NAV2: variants seen among roughly 807,000 people sequenced by gnomAD.
NAV2 encodes neuron navigator 2.
A neutral mutation model predicts 223.2 loss-of-function variants in NAV2; 54 were observed. That is an observed-to-expected ratio of 0.24 (90% CI 0.19 to 0.30). NAV2 has a LOEUF of 0.30. Among genes scored for constraint, NAV2 ranks in the 10% least tolerant of loss-of-function variants. NAV2 has a pLI of 1.00. For missense variants in NAV2, 2,806 were observed against 3,147.5 expected, an observed-to-expected ratio of 0.89 and a Z score of 2.60; for synonymous variants, 1,279 against 1,239.3, an observed-to-expected ratio of 1.03 and a Z score of -0.67.
At position 20,045,369 on chromosome 11, in the gene NAV2, A is replaced by G. The variant is rs2057329495; in HGVS notation, c.3601A>G (p.Ser1201Gly). The G allele has an allele frequency of 1.2e-6, 2 of 1,614,210 alleles. No individual in the cohort carries two copies. Among genetic ancestry groups the G allele is most frequent in the East Asian group, 2.2e-5 (1 of 44,882 alleles). Residue 1201 changes from serine to glycine, a missense_variant, in exon 14 of 38, where the codon AGC becomes GGC. Physicochemically the swap from Ser to Gly is moderately conservative, Grantham distance 56. Coordinates refer to ENST00000349880, the MANE Select transcript of NAV2 (RefSeq NM_145117.5). ...RSLPRPSKSNSRNGAGNRSST... is the reference protein window; with the variant it reads ...RSLPRPSKSNGRNGAGNRSST... ...TTTGCCGAGGCCCAGTAAGTCCAAC[A>G]GCCGGAACGGGGCTGGGAACAGGTC...
At chr11:19,403,586 T>C (rs2133332740) in intron 1 of NAV2, among the ~76,000 whole-genome samples, 1 of 152,316 alleles carries the variant, frequency 6.6e-6, no homozygotes, top group East Asian at 1.9e-4. Context: ...GGGATGCCAT[T>C]TGTTCATTTA....
At chr11:19,905,611 A>G (rs1314823102) in intron 6 of NAV2, among the ~76,000 whole-genome samples, 1 of 152,182 alleles carries the variant, frequency 6.6e-6, no homozygotes, top group Non-Finnish European at 1.5e-5. Context: ...TCTGACCTTC[A>G]GTAATGAACC....
chr11:19,881,391 C>G (rs985248907), intron 5 of NAV2, among the ~76,000 whole-genome samples: 4 of 152,124 alleles, frequency 2.6e-5, no homozygotes, highest in African/African-American at 7.2e-5. Context: ...GGAGTCACTC[C>G]CAGTCAGAGC....
chr11:19,884,139 C>T (rs1392578170), intron 5 of NAV2, among the ~76,000 whole-genome samples: 1 of 152,126 alleles, frequency 6.6e-6, no homozygotes, highest in Non-Finnish European at 1.5e-5. Flanking sequence ...TAAACTGAGA[C>T]CTAGAAAGAA....
chr11:19,876,860 A>T (rs1460123573), intron 4 of NAV2, among the ~76,000 whole-genome samples: 1 of 151,076 alleles, frequency 6.6e-6, no homozygotes, highest in Non-Finnish European at 1.5e-5. Flanking sequence ...AATAAAGAAT[A>T]CTCAAATGCC....
intron 1 of NAV2, among the ~76,000 whole-genome samples, chr11:19,554,235 T>C (rs1198288638): frequency 2.6e-5 from 4 of 152,218 alleles, no homozygotes; most frequent in Non-Finnish European, 4.4e-5. Context: ...TTTAGAATTT[T>C]AATTTGAGAA....
chr11:19,410,599 C>G (rs1850104043), intron 1 of NAV2, among the ~76,000 whole-genome samples: 1 of 152,118 alleles, frequency 6.6e-6, no homozygotes, highest in African/African-American at 2.4e-5. Flanking sequence ...TCTGATGACT[C>G]CTGTTATAGG....
chr11:19,384,276 G>A (rs900430522), intron 1 of NAV2, among the ~76,000 whole-genome samples: 1 of 152,132 alleles, frequency 6.6e-6, no homozygotes, highest in Admixed American at 6.5e-5. Context: ...TTCTTCTTTG[G>A]TTATATGTAG....
At chr11:19,956,394 ACGCTCTCT>A (rs1269515021) in intron 10 of NAV2, among the ~76,000 whole-genome samples, 1 of 147,710 alleles carries the variant, frequency 6.8e-6, no homozygotes, top group Non-Finnish European at 1.5e-5. Context: ...ACACACACAC[ACGCTCTCT>A]CTCTCTCTCT....
intron 1 of NAV2, among the ~76,000 whole-genome samples, chr11:19,473,003 A>T (rs923867396): frequency 1.3e-5 from 2 of 152,204 alleles, no homozygotes; most frequent in Non-Finnish European, 2.9e-5. Context: ...CAGAGGATCC[A>T]TGGGAACTTC....
At chr11:19,524,555 T>C (rs2043783923) in intron 1 of NAV2, among the ~76,000 whole-genome samples, 1 of 152,192 alleles carries the variant, frequency 6.6e-6, no homozygotes. Flanking sequence ...GATGTTTTCA[T>C]TGATCTAGTG....
chr11:19,438,769 G>A (rs1851297955), intron 1 of NAV2, among the ~76,000 whole-genome samples: 1 of 152,162 alleles, frequency 6.6e-6, no homozygotes, highest in African/African-American at 2.4e-5. Flanking sequence ...ATGAGGTCTG[G>A]AAAGATCCTG....
chr11:19,391,184 T>C (rs1423722895), intron 1 of NAV2, among the ~76,000 whole-genome samples: 1 of 152,124 alleles, frequency 6.6e-6, no homozygotes, highest in Non-Finnish European at 1.5e-5. Context: ...ACCTCACCTC[T>C]GGCCTTCACT....
intron 1 of NAV2, among the ~76,000 whole-genome samples, chr11:19,678,030 T>C (rs1254450251): frequency 2.6e-5 from 4 of 151,996 alleles, no homozygotes; most frequent in Non-Finnish European, 4.4e-5. Context: ...TATTGTCAGG[T>C]TGGGGACTGG....
chr11:19,536,396 G>A (rs1430629884), intron 1 of NAV2, among the ~76,000 whole-genome samples: 2 of 152,256 alleles, frequency 1.3e-5, no homozygotes, highest in East Asian at 3.9e-4. Context: ...CCGTATGGAA[G>A]GTGCATTAGA....
rs138594546 is a variant in NAV2 at position 19,633,830 on chromosome 11, G to A, written c.76-198654G>A. 5.3e-3 allele frequency among the ~76,000 whole-genome samples: 804 copies of A among 152,312 alleles called. 5 individuals are homozygous for A. Among genetic ancestry groups the A allele is most frequent in the Middle Eastern group, 0.041 (12 of 294 alleles). ...CCTGTTCAGAAGGTAGGCCTAGTTTGGATTCCAAGCTCTACTACTTACCAG... is the reference window on the plus strand; with the variant it reads ...CCTGTTCAGAAGGTAGGCCTAGTTTAGATTCCAAGCTCTACTACTTACCAG... On this transcript the variant is annotated intron_variant, in intron 1 of 37. Transcript: ENST00000360655.
At chr11:19,349,512 G>A (rs958158495), upstream of NAV2, among the ~76,000 whole-genome samples, 7 of 152,184 alleles carry the variant, frequency 4.6e-5, no homozygotes, top group East Asian at 1.9e-4. Context: ...TCTAGTACCC[G>A]CTGCGGCCGG....
rs145132472 is a variant in NAV2 at position 19,494,513 on chromosome 11, A to G, written c.75+143486A>G. Among the ~76,000 whole-genome samples, 1,454 of 152,310 alleles carry G rather than the reference A, an allele frequency of 9.5e-3. 19 individuals carry two copies. The highest frequency in any genetic ancestry group is 0.032 in the African/African-American group (1,319 of 41,562). ...CCATTTTACAGATAAAGAAACTAAG[A>G]CACAGAATTAATGCCACACATATCA... On this transcript the variant is annotated intron_variant, in intron 1 of 37. Transcript: ENST00000360655.
intron 5 of NAV2, among the ~76,000 whole-genome samples, chr11:19,885,019 T>C (rs1013454679): frequency 6.6e-6 from 1 of 152,202 alleles, no homozygotes; most frequent in Non-Finnish European, 1.5e-5. Context: ...ACCTGTCTGC[T>C]GCCTCCTATG....
Sources: gnomAD v4.1 joint callset for allele counts (sites outside exome capture counted in the v4.1 genomes callset) on GRCh38, gnomAD v4.1.1 for gene constraint, MANE v1.5 for transcripts, NCBI Gene and HGNC (gene_info 2026-07-23, HGNC 2026-07-21) for gene names.